ABCA3: variants seen among roughly 807,000 people sequenced by gnomAD.
ABCA3 encodes the protein phospholipid-transporting ATPase ABCA3.
Under a neutral mutation model 172.8 loss-of-function variants are expected in ABCA3, and 88 were observed. The observed-to-expected ratio is 0.51, with a 90% CI of 0.43 to 0.61. The LOEUF (loss-of-function observed/expected upper bound fraction) is 0.61, where lower values mean the gene tolerates loss of function less well. Among genes scored for constraint, ABCA3 ranks in the 20% least tolerant of loss-of-function variants. The pLI is 0.00. For synonymous variants in ABCA3, 1,066 were observed against 983.8 expected (o/e 1.08, Z -1.56); for missense variants, 2,164 against 2,301.0 (o/e 0.94, Z 1.22).
intron 1 of ABCA3, among the ~76,000 whole-genome samples, chr16:2,336,084 G>A (rs945847614): frequency 1.3e-5 from 2 of 152,126 alleles, no homozygotes; most frequent in East Asian, 3.8e-4. Context: ...CAGTATATGA[G>A]AGTTACAGCT....
At position 2,283,192 on chromosome 16, in the gene ABCA3, C is replaced by T. The variant is rs748411063; in HGVS notation, c.4029G>A (p.Arg1343=). Residue 1343 remains arginine, a synonymous_variant, in exon 26 of 33, where the codon CGG becomes CGA. Coordinates refer to ENST00000301732, the MANE Select transcript of ABCA3 (RefSeq NM_001089.3). This position sits in a 1 kb window ranked among gnomAD's most constrained non-coding sequence, Gnocchi z 5.4. ...RGILCALRRR[R]TLTELYTRMP... ...GGCTCCCGGAGCCACTCACCAGTGT[C>T]CGCCTCCTCCGGAGGGCGCAGAGGA... The T allele has an allele frequency of 1.9e-6, 3 of 1,612,956 alleles. No homozygotes were observed. Among genetic ancestry groups the T allele is most frequent in the Non-Finnish European group, 2.5e-6 (3 of 1,179,878 alleles).
At chr16:2,318,251 G>T (rs1300291638) in intron 8 of ABCA3, among the ~76,000 whole-genome samples, 1 of 152,154 alleles carries the variant, frequency 6.6e-6, no homozygotes, top group Admixed American at 6.5e-5. Flanking sequence ...GAAAGGAGGG[G>T]CCCAGAACCT....
At position 2,279,084 on chromosome 16, in the gene ABCA3, T is replaced by C; in HGVS notation, c.4406A>G (p.Asp1469Gly). 1 of 1,612,798 alleles carries C rather than the reference T, an allele frequency of 6.2e-7. No homozygotes were observed. The highest frequency in any genetic ancestry group is 1.1e-5 in the South Asian group (1 of 91,060). ...GYCPQFDALL[D>G]HMTGREMLVM... ...CAGCATCTCCCGGCCTGTCATGTGG[T>C]CCAGCAAGGCATCAAACTGCGGGCA... Residue 1469 changes from aspartate (D) to glycine (G), a missense_variant, in exon 29 of 33, where the codon GAC becomes GGC. This residue lies in a region of ABCA3 where 795 missense variants were observed against 881.9 expected (regional missense o/e 0.90). Coordinates refer to ENST00000301732, the MANE Select transcript of ABCA3 (RefSeq NM_001089.3). The surrounding 1 kb of genome is among the most constrained non-coding windows in gnomAD (Gnocchi z 4.4).
At chr16:2,332,705 T>A in intron 1 of ABCA3, 1 of 1,520,916 alleles carries the variant, frequency 6.6e-7, no homozygotes. Context: ...GTGGCTGTCT[T>A]CTTGTGTCCA....
At chr16:2,340,347 G>T (rs1253273228) in intron 1 of ABCA3, among the ~76,000 whole-genome samples, 1 of 151,912 alleles carries the variant, frequency 6.6e-6, no homozygotes, top group African/African-American at 2.4e-5. Context: ...CGACGCTGAG[G>T]GAGCGGCACC....
At chr16:2,323,409 T>C (rs1310967532) in intron 7 of ABCA3, 114 bp downstream of exon 7, 17 of 1,399,724 alleles carry the variant, frequency 1.2e-5, no homozygotes, top group Middle Eastern at 2.5e-4. Flanking sequence ...CCAAGCCAAA[T>C]GTCCTGAAAA....
intron 1 of ABCA3, among the ~76,000 whole-genome samples, chr16:2,334,234 G>C (rs2093748092): frequency 6.6e-6 from 1 of 152,112 alleles, no homozygotes; most frequent in Admixed American, 6.6e-5. Context: ...GGATCCTGGA[G>C]ACAGACTGTG....
rs751228938 is a variant in ABCA3 at position 2,284,756 on chromosome 16, G to A, written c.3703+23C>T. 6.2e-7 allele frequency: 1 copy of A among 1,606,550 alleles called. No homozygotes were observed. The highest frequency in any genetic ancestry group is 8.5e-7 in the Non-Finnish European group (1 of 1,175,992). On this transcript the variant is annotated intron_variant, in intron 24 of 32. Transcript: ENST00000301732. This position sits in a 1 kb window ranked among gnomAD's most constrained non-coding sequence, Gnocchi z 5.9. Reference sequence around the variant, plus strand: ...GGCTCCGTGGATGGCCATGGGGGCTGCGGGTGGTCTCCAGGTGCCCACCTG... The same window carrying A: ...GGCTCCGTGGATGGCCATGGGGGCTACGGGTGGTCTCCAGGTGCCCACCTG...
chr16:2,318,467 A>G (rs1040547848), intron 8 of ABCA3, among the ~76,000 whole-genome samples: 1 of 152,158 alleles, frequency 6.6e-6, no homozygotes, highest in Non-Finnish European at 1.5e-5. Context: ...TTAATTAAAA[A>G]TAAAGTTAAA....
At chr16:2,323,494 G>T (rs1470266561) in intron 7 of ABCA3, 29 bp downstream of exon 7, 3 of 1,613,718 alleles carry the variant, frequency 1.9e-6, no homozygotes, top group Non-Finnish European at 2.5e-6. Context: ...GCCCGGGCTG[G>T]TAACACGAAC....
At chr16:2,316,264 G>C (rs1348993866) in intron 10 of ABCA3, among the ~76,000 whole-genome samples, 1 of 139,478 alleles carries the variant, frequency 7.2e-6, no homozygotes. Context: ...AGCCGTGTCT[G>C]TGCCATTGCA....
intron 11 of ABCA3, among the ~76,000 whole-genome samples, chr16:2,304,714 C>T (rs1373676698): frequency 2.1e-5 from 3 of 141,752 alleles, no homozygotes; most frequent in South Asian, 2.3e-4. Context: ...CTTGCTCTGT[C>T]TCCCAGGCTG....
rs531422778 is a variant in ABCA3, at chr16:2,297,196, C to A, written c.2263+133G>T. 1.0e-6 allele frequency: 1 copy of A among 995,894 alleles called. No homozygotes were observed. Among genetic ancestry groups the A allele is most frequent in the Non-Finnish European group, 1.5e-6 (1 of 656,058 alleles). 61.7% of individuals were successfully genotyped at this position (995,894 alleles called of 1,614,324 possible). On this transcript the variant is annotated intron_variant, in intron 17 of 32. Coordinates refer to ENST00000301732, the MANE Select transcript of ABCA3 (RefSeq NM_001089.3). The surrounding 1 kb of genome is among the most constrained non-coding windows in gnomAD (Gnocchi z 5.6). ...CCCCTGCCTGGTTGGGCTCTCCACC[C>A]AGAGGCAACAGACAGGAAGTCTAGA...
intron 10 of ABCA3, among the ~76,000 whole-genome samples, chr16:2,312,172 T>G (rs1360097535): frequency 6.6e-6 from 1 of 152,236 alleles, no homozygotes; most frequent in Non-Finnish European, 1.5e-5. Context: ...ATTTTTTGCC[T>G]GAAAGCTTGA....
Position 2,278,258 on chromosome 16 carries a change from C to G in ABCA3, c.4718+30G>C. 1 of 1,604,596 alleles carries G rather than the reference C, an allele frequency of 6.2e-7. No individual in the cohort carries two copies. Among genetic ancestry groups the G allele is most frequent in the South Asian group, 1.1e-5 (1 of 91,074 alleles). ...CTCCATGGCCCACCCGGTGCTGAAA[C>G]TTCCAGTAACCCACAGACCCAGGCT... is the stretch of plus-strand genomic sequence containing the variant. On this transcript the variant is annotated intron_variant, in intron 30 of 32. Coordinates refer to ENST00000301732, the MANE Select transcript of ABCA3 (RefSeq NM_001089.3). This position sits in a 1 kb window ranked among gnomAD's most constrained non-coding sequence, Gnocchi z 4.4.
At chr16:2,289,339 C>G (rs1014334236) in intron 20 of ABCA3, 95 bp downstream of exon 20, 4 of 1,451,916 alleles carry the variant, frequency 2.8e-6, no homozygotes, top group Non-Finnish European at 3.7e-6. Flanking sequence ...ACCCTGTTTG[C>G]GCCCTCGCAG....
At chr16:2,291,485 C>A (rs1293567158) in intron 19 of ABCA3, among the ~76,000 whole-genome samples, 2 of 152,166 alleles carry the variant, frequency 1.3e-5, no homozygotes, top group Non-Finnish European at 2.9e-5. Flanking sequence ...GAGATAGTTC[C>A]CATCTTCATT....
At chr16:2,337,267 T>C (rs1159263154) in intron 1 of ABCA3, among the ~76,000 whole-genome samples, 2 of 152,008 alleles carry the variant, frequency 1.3e-5, no homozygotes, top group African/African-American at 4.8e-5. Context: ...ATGTCCATAA[T>C]ACATCAGGAC....
chr16:2,318,600 C>T (rs1000338546), intron 8 of ABCA3, among the ~76,000 whole-genome samples: 1 of 151,768 alleles, frequency 6.6e-6, no homozygotes, highest in Non-Finnish European at 1.5e-5. Context: ...GCAACCTCCA[C>T]CTCCCGGGTT....
Sources: allele counts gnomAD v4.1 joint callset (sites outside exome capture counted in the v4.1 genomes callset), GRCh38; gene constraint gnomAD v4.1.1; regional missense constraint gnomAD v4.1.1; non-coding constraint Gnocchi (gnomAD v3.1); transcripts MANE v1.5; gene names NCBI Gene and HGNC (gene_info 2026-07-23, HGNC 2026-07-21).